Variants in PON2 observed in about 807,000 individuals in gnomAD.
PON2 encodes paraoxonase 2, also known as serum paraoxonase/arylesterase 2.
In PON2, 27 loss-of-function variants were observed where a neutral mutation model predicts 36.6. That is an observed-to-expected ratio of 0.74 (90% confidence interval 0.54 to 1.02). The LOEUF is 1.02. PON2 is among the 50% of genes least tolerant of loss of function. The pLI, the probability that PON2 is intolerant of heterozygous loss-of-function variation, is 0.00. For missense variants in PON2, 363 were observed against 421.1 expected (o/e 0.86, Z 1.21); for synonymous variants, 149 against 156.3 (o/e 0.95, Z 0.35).
rs892815856 is a variant in PON2, at chr7:95,417,649, C to T, written c.146-1352G>A. Reference sequence around the variant, plus strand: ...GTTAAGAATCAGGGGAACGCTACACCACATACACATGTATACACAGCACAT... The same window carrying T: ...GTTAAGAATCAGGGGAACGCTACACTACATACACATGTATACACAGCACAT... On this transcript the variant is annotated intron_variant, in intron 2 of 8. Transcript: ENST00000222572. 9.4e-5 allele frequency among the ~76,000 whole-genome samples: 14 copies of T among 149,724 alleles called. 1 individual carries two copies. Among genetic ancestry groups the T allele is most frequent in the Admixed American group, 7.4e-4 (11 of 14,920 alleles).
At position 95,418,604 on chromosome 7, in the gene PON2, A is replaced by C. The variant is rs901155538; in HGVS notation, c.146-2307T>G. 2.0e-5 allele frequency among the ~76,000 whole-genome samples: 3 copies of C among 151,606 alleles called. No individual in the cohort carries two copies. In the East Asian group the frequency reaches 5.8e-4, roughly 29 times the overall value. On this transcript the variant is annotated intron_variant, in intron 2 of 8. Transcript: ENST00000222572. ...TGAATATCCTGCACTTTTCTTTAAA[A>C]CCTCTTTCAAAACCTTTTCTGTCTT... is the stretch of plus-strand genomic sequence containing the variant.
At chr7:95,424,817 A>G (rs542468302) in intron 1 of PON2, among the ~76,000 whole-genome samples, 1 of 69,490 alleles carries the variant, frequency 1.4e-5, no homozygotes, top group Admixed American at 1.3e-4. Context: ...TGGGTTATTA[A>G]AAAAAAAAAG....
chr7:95,410,524 G>T (rs1273606534), intron 5 of PON2, among the ~76,000 whole-genome samples: 1 of 152,160 alleles, frequency 6.6e-6, no homozygotes, highest in Non-Finnish European at 1.5e-5. Flanking sequence ...TCAGTTCCTG[G>T]ATTTTTCTAA....
At chr7:95,430,338 A>T (rs1419359481) in intron 1 of PON2, among the ~76,000 whole-genome samples, 1 of 150,580 alleles carries the variant, frequency 6.6e-6, no homozygotes, top group Admixed American at 6.6e-5. Flanking sequence ...TTTGAGACAG[A>T]GTCTCGCTCT....
intron 2 of PON2, among the ~76,000 whole-genome samples, chr7:95,423,827 C>A (rs888795387): frequency 1.3e-5 from 2 of 152,096 alleles, no homozygotes; most frequent in African/African-American, 4.8e-5. Flanking sequence ...AGGAAACTTA[C>A]AATCTTGGTG....
At chr7:95,419,248 T>C (rs992786999) in intron 2 of PON2, among the ~76,000 whole-genome samples, 8 of 152,180 alleles carry the variant, frequency 5.3e-5, no homozygotes, top group African/African-American at 1.9e-4. Flanking sequence ...CATTATTGCC[T>C]GTGGGCAGGA....
At chr7:95,415,529 T>G (rs1037397026) in intron 3 of PON2, among the ~76,000 whole-genome samples, 7 of 152,194 alleles carry the variant, frequency 4.6e-5, no homozygotes, top group Non-Finnish European at 8.8e-5. Flanking sequence ...TAAATAATAA[T>G]GGCAAGAATA....
intron 3 of PON2, chr7:95,415,844 C>T (rs367815906): frequency 3.9e-5 from 8 of 205,472 alleles, no homozygotes; most frequent in South Asian, 3.1e-4. Context: ...CCCAGCTACT[C>T]GGGAGGCTGA....
intron 1 of PON2, among the ~76,000 whole-genome samples, chr7:95,433,765 G>C (rs1381682062): frequency 6.6e-6 from 1 of 152,080 alleles, no homozygotes; most frequent in Non-Finnish European, 1.5e-5. Flanking sequence ...CTATACATTT[G>C]GCATGGGCCC....
intron 1 of PON2, among the ~76,000 whole-genome samples, chr7:95,431,020 G>C (rs1789429214): frequency 6.6e-6 from 1 of 152,092 alleles, no homozygotes; most frequent in African/African-American, 2.4e-5. Flanking sequence ...TGGGTACTCT[G>C]GGGGTTCCTG....
At chr7:95,414,663 C>T (rs1438184049) in intron 3 of PON2, among the ~76,000 whole-genome samples, 1 of 152,148 alleles carries the variant, frequency 6.6e-6, no homozygotes, top group African/African-American at 2.4e-5. Flanking sequence ...AAAATCAATG[C>T]AACTGCCTTC....
rs562131998 is a variant in PON2, at chr7:95,424,828, C to T, written c.75-243G>A. ...GATGTGGGTTATTAAAAAAAAAAAG[C>T]CAATAACTCAACAAATAAAACTTAT... On this transcript the variant is annotated intron_variant, in intron 1 of 8. Coordinates refer to ENST00000222572, the MANE Select transcript of PON2 (RefSeq NM_000305.3). Among the ~76,000 whole-genome samples the T allele has an allele frequency of 4.0e-5, 6 of 151,490 alleles. No homozygotes were observed. In the East Asian group the frequency reaches 5.8e-4, roughly 15 times the overall value.
chr7:95,418,249 C>T (rs1161689432), intron 2 of PON2: 3 of 152,180 alleles, frequency 2.0e-5, no homozygotes, highest in Non-Finnish European at 4.4e-5. Flanking sequence ...ACATTAGGTA[C>T]ACCAAGTACC....
At chr7:95,429,162 T>A (rs1001383621) in intron 1 of PON2, among the ~76,000 whole-genome samples, 4 of 151,868 alleles carry the variant, frequency 2.6e-5, no homozygotes, top group Admixed American at 2.6e-4. Context: ...TAGGTATATC[T>A]CCTAATGCTA....
chr7:95,412,923 C>A, intron 3 of PON2: 1 of 206,144 alleles, frequency 4.9e-6, no homozygotes, highest in Non-Finnish European at 9.9e-6. Flanking sequence ...TTTAGGGACT[C>A]TCTGTTTTGT....
chr7:95,417,156 A>G (rs1429502026), intron 2 of PON2, among the ~76,000 whole-genome samples: 1 of 152,212 alleles, frequency 6.6e-6, no homozygotes, highest in Non-Finnish European at 1.5e-5. Context: ...AGACTTCTCC[A>G]TAGGATTTCT....
intron 3 of PON2, among the ~76,000 whole-genome samples, chr7:95,414,838 T>C (rs1789023655): frequency 6.6e-6 from 1 of 152,194 alleles, no homozygotes; most frequent in Non-Finnish European, 1.5e-5. Flanking sequence ...AAATAAAACA[T>C]TCCTTTTAAA....
intron 1 of PON2, among the ~76,000 whole-genome samples, chr7:95,425,909 T>C (rs959747118): frequency 6.6e-6 from 1 of 152,072 alleles, no homozygotes; most frequent in African/African-American, 2.4e-5. Context: ...ATGTATTAAA[T>C]AATACAAATT....
In PON2 at chr7:95,434,931, C is replaced by G; in HGVS notation, c.21G>C (p.Val7=). The G allele has an allele frequency of 3.3e-6, 5 of 1,535,510 alleles. No homozygotes were observed. Among genetic ancestry groups the G allele is most frequent in the Non-Finnish European group, 4.4e-6 (5 of 1,144,046 alleles). MGRLVA[V]GLLGIALALL... ...GCGCCAGCGCGATCCCCAGCAAGCC[C>G]ACAGCCACCAGCCGCCCCATGGCGC... The change falls in exon 1 of 9, where the codon GTG becomes GTC. Residue 7 remains valine, a synonymous_variant. Transcript: ENST00000222572.
Sources: gnomAD v4.1 joint callset for allele counts (sites outside exome capture counted in the v4.1 genomes callset) on GRCh38, gnomAD v4.1.1 for gene constraint, MANE v1.5 for transcripts, NCBI Gene and HGNC (gene_info 2026-07-23, HGNC 2026-07-21) for gene names.